The following PLD5 variants were observed in gnomAD, a reference collection of about 807,000 sequenced individuals.
PLD5 encodes inactive phospholipase D5.
Under a neutral mutation model 61.1 loss-of-function variants are expected in PLD5, and 36 were observed. The observed-to-expected ratio is 0.59, with a 90% confidence interval of 0.45 to 0.78. The LOEUF is 0.78. Among genes scored for constraint, PLD5 ranks in the 30% least tolerant of loss-of-function variants. The pLI is 0.00. For synonymous variants in PLD5, 243 were observed against 242.8 expected (o/e 1.00, Z -0.01); for missense variants, 515 against 644.4 (o/e 0.80, Z 2.17).
intron 7 of PLD5, among the ~76,000 whole-genome samples, chr1:242,112,558 C>T (rs1433057596): frequency 6.6e-6 from 1 of 152,070 alleles, no homozygotes; most frequent in Non-Finnish European, 1.5e-5. Flanking sequence ...ATGAATCTTG[C>T]AGCTAAAAGT....
intron 4 of PLD5, among the ~76,000 whole-genome samples, chr1:242,242,012 G>GACACACACACAC (rs377737578): frequency 3.2e-4 from 34 of 106,034 alleles, no homozygotes; most frequent in Admixed American, 5.4e-4. Flanking sequence ...TATATATATA[G>GACACACACACAC]ACACACACAC....
At chr1:242,323,417 CA>C (rs1233947526) in intron 2 of PLD5, among the ~76,000 whole-genome samples, 3 of 152,066 alleles carry the variant, frequency 2.0e-5, no homozygotes, top group Non-Finnish European at 4.4e-5. Flanking sequence ...CTCAATTTAT[CA>C]ATAGGAATCT....
At chr1:242,498,577 G>T (rs1668451476) in intron 1 of PLD5, among the ~76,000 whole-genome samples, 1 of 152,096 alleles carries the variant, frequency 6.6e-6, no homozygotes, top group Admixed American at 6.5e-5. Flanking sequence ...TCCCTTGCCT[G>T]GATGTGCCAG....
chr1:242,377,361 C>A, intron 1 of PLD5: 1 of 1,574,926 alleles, frequency 6.3e-7, no homozygotes, highest in Non-Finnish European at 8.7e-7. Flanking sequence ...GATTGCTCCT[C>A]AGGGAGACCT....
chr1:242,322,042 C>T (rs1365170679), intron 2 of PLD5, among the ~76,000 whole-genome samples: 1 of 152,166 alleles, frequency 6.6e-6, no homozygotes, highest in Non-Finnish European at 1.5e-5. Flanking sequence ...CAAATGTCAA[C>T]ATTACAAAAA....
chr1:242,136,409 G>A (rs894744741), intron 5 of PLD5, among the ~76,000 whole-genome samples: 3 of 152,182 alleles, frequency 2.0e-5, no homozygotes, highest in African/African-American at 4.8e-5. Context: ...TAGACTGGTC[G>A]TATTTTTCAT....
rs1659536644 is a variant in PLD5 at position 242,087,645 on chromosome 1, A to G, written c.*2209T>C. 1 of 152,174 alleles carries G rather than the reference A, an allele frequency of 6.6e-6. No individual in the cohort carries two copies. The highest frequency in any genetic ancestry group is 2.4e-5 in the African/African-American group (1 of 41,432). The allele number at this position is 152,174 out of a possible 1,614,324, so 9.4% of individuals were successfully genotyped here. A position where few individuals can be genotyped will look rare whatever the true frequency, so the allele number is the denominator to read the frequency against. On this transcript the variant is annotated 3_prime_UTR_variant, in exon 10 of 10. Coordinates refer to ENST00000536534, the MANE Select transcript of PLD5 (RefSeq NM_001372062.1). ...TTATTTTTAGAGGCAGGATCTTGCT[A>G]TGCTACCCAGGCTGGTCTCAAACTC...
rs1659494664 is a variant in PLD5 at position 242,086,709 on chromosome 1, GAA to G, written c.*3143_*3144del. ...GGTCATTTGAATTCCACAGGAGAGA[GAA>G]GTGTTCTCATAGAATAAGTCATTGT... On this transcript the variant is annotated 3_prime_UTR_variant, in exon 10 of 10. Coordinates refer to ENST00000536534, the MANE Select transcript of PLD5 (RefSeq NM_001372062.1). 2 of 152,212 alleles carry G rather than the reference GAA, an allele frequency of 1.3e-5. No homozygotes were observed. The highest frequency in any genetic ancestry group is 4.1e-4 in the South Asian group (2 of 4,820). The allele number at this position is 152,212 out of a possible 1,614,324, so 9.4% of individuals were successfully genotyped here.
chr1:242,411,456 C>T lies in PLD5; in HGVS notation c.190-63214G>A, dbSNP rs367975371. Among the ~76,000 whole-genome samples, 98 of 152,144 alleles carry T rather than the reference C, an allele frequency of 6.4e-4. No individual in the cohort carries two copies. In the East Asian group the frequency reaches 0.014, roughly 22 times the overall value. ...TTCACCGTGTTAGCCAGGGTGGTCT[C>T]GATCTCCTGACCTCGTGATCCACCT... On this transcript the variant is annotated intron_variant, in intron 1 of 9. Coordinates refer to ENST00000536534, the MANE Select transcript of PLD5 (RefSeq NM_001372062.1).
chr1:242,123,941 T>C (rs1348881984), intron 6 of PLD5, among the ~76,000 whole-genome samples: 1 of 152,100 alleles, frequency 6.6e-6, no homozygotes, highest in East Asian at 1.9e-4. Context: ...CACTGTCCTG[T>C]TGTGTGGGCC....
At chr1:242,340,209 A>C (rs1486465464) in intron 2 of PLD5, among the ~76,000 whole-genome samples, 1 of 152,188 alleles carries the variant, frequency 6.6e-6, no homozygotes, top group Admixed American at 6.5e-5. Context: ...CAAGGGCTCT[A>C]GGCTTTTACA....
rs60955446 is a variant in PLD5 at position 242,379,619 on chromosome 1, T to TA, written c.190-31378dup. 3.2e-3 allele frequency among the ~76,000 whole-genome samples: 471 copies of TA among 147,870 alleles called. 2 individuals carry two copies. The highest frequency in any genetic ancestry group is 0.01 in the East Asian group (52 of 5,090). On this transcript the variant is annotated intron_variant, in intron 1 of 9. Coordinates refer to ENST00000536534, the MANE Select transcript of PLD5 (RefSeq NM_001372062.1). Reference sequence around the variant, plus strand: ...CTTCATTGCTTTTTGTTTACTACTTTAAAAAAAAAAACTTTGAGTTTTACG... The same window carrying TA: ...CTTCATTGCTTTTTGTTTACTACTTTAAAAAAAAAAAACTTTGAGTTTTACG...
chr1:242,449,859 G>A (rs1293439310), intron 1 of PLD5, among the ~76,000 whole-genome samples: 2 of 152,196 alleles, frequency 1.3e-5, no homozygotes, highest in African/African-American at 4.8e-5. Context: ...GCGAAGAGGG[G>A]CAATGCTGAC....
chr1:242,348,923 A>G (rs138272624), intron 1 of PLD5, among the ~76,000 whole-genome samples: 2,225 of 152,126 alleles, frequency 0.015, 15 homozygotes, highest in East Asian at 0.031. Context: ...GCGTGGTGGC[A>G]GGCGCCTGTA....
intron 5 of PLD5, among the ~76,000 whole-genome samples, chr1:242,193,378 G>C (rs901055557): frequency 6.6e-6 from 1 of 152,182 alleles, no homozygotes; most frequent in Non-Finnish European, 1.5e-5. Flanking sequence ...CTTTGGCCGG[G>C]TTCTTGGAGT....
At chr1:242,160,392 A>G (rs2081505077) in intron 5 of PLD5, among the ~76,000 whole-genome samples, 1 of 152,148 alleles carries the variant, frequency 6.6e-6, no homozygotes, top group South Asian at 2.1e-4. Flanking sequence ...AGACCTAGAG[A>G]GATCACACCC....
At chr1:242,150,278 G>T (rs1250292854) in intron 5 of PLD5, among the ~76,000 whole-genome samples, 1 of 151,508 alleles carries the variant, frequency 6.6e-6, no homozygotes, top group Non-Finnish European at 1.5e-5. Context: ...AATATCTGTT[G>T]TACTGTTTTG....
At chr1:242,516,250 TTATATATATATA>T (rs57043354) in intron 1 of PLD5, among the ~76,000 whole-genome samples, 26,561 of 138,594 alleles carry the variant, frequency 0.19, 2,647 homozygotes, top group Middle Eastern at 0.22. Context: ...TAAAGTTAAA[TTATATATATATA>T]TATATATATA....
At chr1:242,406,694 C>T (rs966448199) in intron 1 of PLD5, among the ~76,000 whole-genome samples, 2 of 152,132 alleles carry the variant, frequency 1.3e-5, no homozygotes, top group African/African-American at 4.8e-5. Flanking sequence ...CTAACTTCCT[C>T]CAGAATAGTG....
Sources: allele counts gnomAD v4.1 joint callset (sites outside exome capture counted in the v4.1 genomes callset), GRCh38; gene constraint gnomAD v4.1.1; transcripts MANE v1.5; gene names NCBI Gene and HGNC (gene_info 2026-07-23, HGNC 2026-07-21).